VRK2: variants seen among roughly 807,000 people sequenced by gnomAD.
The protein encoded by VRK2 is serine/threonine-protein kinase VRK2.
VRK2 carries 60 observed loss-of-function variants against 57.6 expected under a neutral mutation model. That is an observed-to-expected ratio of 1.04 (90% confidence interval 0.85 to 1.29). The LOEUF (loss-of-function observed/expected upper bound fraction) is 1.29. Among genes scored for constraint, VRK2 ranks in the 50% most tolerant of loss-of-function variants. The probability of loss-of-function intolerance (pLI) is 0.00; values close to 1 mark genes in which losing one functional copy is unlikely to be tolerated. For missense variants in VRK2, 705 were observed against 588.1 expected (o/e 1.20, Z -2.06); for synonymous variants, 231 against 199.2 (o/e 1.16, Z -1.35).
chr2:58,102,449 C>A (rs1674113945), intron 7 of VRK2, among the ~76,000 whole-genome samples: 1 of 148,880 alleles, frequency 6.7e-6, no homozygotes. Flanking sequence ...GCAGGAGTAG[C>A]CATGCTTGTA....
rs185278397 is a variant in VRK2 at position 57,970,851 on chromosome 2, C to A, written c.-438-54814C>A. On this transcript the variant is annotated intron_variant, in intron 1 of 15. Coordinates refer to the VRK2 transcript ENST00000417641. The stretch of plus-strand genomic sequence containing the variant: ...ATTGCTAGATTACATTAAAACCAGT[C>A]TCAGACATTGTTACATTTTATCTTT... Among the ~76,000 whole-genome samples, 26 of 152,114 alleles carry A rather than the reference C, an allele frequency of 1.7e-4. No homozygotes were observed. In the East Asian group the frequency reaches 5.0e-3, roughly 29 times the overall value.
At chr2:57,913,842 G>A (rs2678881) in intron 1 of VRK2, among the ~76,000 whole-genome samples, 98,238 of 151,766 alleles carry the variant, frequency 0.65, 32,119 homozygotes, top group African/African-American at 0.76. Flanking sequence ...ATTTCAGTTT[G>A]AAGTACTTTT....
intron 2 of VRK2, among the ~76,000 whole-genome samples, chr2:58,072,141 A>G (rs1440640116): frequency 2.6e-5 from 4 of 152,024 alleles, no homozygotes; most frequent in African/African-American, 9.7e-5. Context: ...ACTTTGCCAT[A>G]CTGATGTATT....
At chr2:57,951,163 T>A (rs1177794202) in intron 1 of VRK2, among the ~76,000 whole-genome samples, 1 of 152,148 alleles carries the variant, frequency 6.6e-6, no homozygotes, top group Non-Finnish European at 1.5e-5. Flanking sequence ...AATATTAGCA[T>A]GAGTTTTAGA....
At chr2:57,983,022 G>C (rs1347403235) in intron 1 of VRK2, among the ~76,000 whole-genome samples, 1 of 152,128 alleles carries the variant, frequency 6.6e-6, no homozygotes, top group African/African-American at 2.4e-5. Context: ...CCTTCCCTAG[G>C]AGCTGCTCAG....
At chr2:57,982,200 T>A (rs1672442289) in intron 1 of VRK2, among the ~76,000 whole-genome samples, 1 of 152,194 alleles carries the variant, frequency 6.6e-6, no homozygotes, top group Admixed American at 6.5e-5. Flanking sequence ...CCTGGGGAGC[T>A]GGAACCAGGC....
intron 1 of VRK2, among the ~76,000 whole-genome samples, chr2:57,990,739 C>T (rs1462426673): frequency 1.3e-5 from 2 of 152,154 alleles, no homozygotes; most frequent in Non-Finnish European, 2.9e-5. Flanking sequence ...GTATATCTTA[C>T]ATTTCAATAA....
chr2:57,975,568 G>C (rs1672224726), intron 1 of VRK2, among the ~76,000 whole-genome samples: 1 of 151,820 alleles, frequency 6.6e-6, no homozygotes, highest in African/African-American at 2.4e-5. Context: ...TATGATGCTA[G>C]GTTTGGTCTT....
At chr2:58,034,678 A>G (rs1388152077) in intron 3 of VRK2, among the ~76,000 whole-genome samples, 2 of 151,766 alleles carry the variant, frequency 1.3e-5, no homozygotes, top group African/African-American at 2.4e-5. Context: ...CCATCAACTT[A>G]TCTTGGCCTT....
chr2:58,142,002 GTATT>G lies in VRK2; in HGVS notation c.1023+2173_1023+2176del, dbSNP rs1348206688. On this transcript the variant is annotated intron_variant, in intron 11 of 12. Coordinates refer to ENST00000340157, the MANE Select transcript of VRK2 (RefSeq NM_006296.7). ...TGGGTTTATAGTTATATGTAGTTAAGTATTTAGTTATAGAGCTGTTTAACAGAGT... is the reference window on the plus strand; with the variant it reads ...TGGGTTTATAGTTATATGTAGTTAAGTAGTTATAGAGCTGTTTAACAGAGT... Among the ~76,000 whole-genome samples, 4 of 152,000 alleles carry G rather than the reference GTATT, an allele frequency of 2.6e-5. No individual in the cohort carries two copies. In the East Asian group the frequency reaches 7.7e-4, roughly 29 times the overall value.
intron 1 of VRK2, among the ~76,000 whole-genome samples, chr2:58,008,774 T>C (rs1572773476): frequency 1.3e-5 from 2 of 152,156 alleles, no homozygotes; most frequent in South Asian, 2.1e-4. Context: ...GGAAAGAGGA[T>C]GTCTTAGTCA....
chr2:58,139,472 A>G (rs1326461428), intron 10 of VRK2, among the ~76,000 whole-genome samples, 194 bp from the exon 11 acceptor site: 2 of 152,096 alleles, frequency 1.3e-5, no homozygotes, highest in Non-Finnish European at 2.9e-5. Context: ...TGTCTCATCA[A>G]TTCTGTAGGT....
chr2:58,123,780 A>G (rs1677880257), intron 8 of VRK2, among the ~76,000 whole-genome samples: 1 of 151,940 alleles, frequency 6.6e-6, no homozygotes, highest in Non-Finnish European at 1.5e-5. Flanking sequence ...ACTTGAGCCA[A>G]GGAGGTTGAG....
chr2:58,121,168 A>G (rs755220674), intron 7 of VRK2, among the ~76,000 whole-genome samples: 30 of 152,234 alleles, frequency 2.0e-4, no homozygotes, highest in Non-Finnish European at 3.5e-4. Context: ...GGGGACTTAC[A>G]GCATCAGCGG....
chr2:58,030,475 A>T (rs986864611), intron 2 of VRK2, among the ~76,000 whole-genome samples: 1 of 151,926 alleles, frequency 6.6e-6, no homozygotes, highest in African/African-American at 2.4e-5. Context: ...AATGCACTCT[A>T]CCTCGTTTCC....
intron 1 of VRK2, among the ~76,000 whole-genome samples, chr2:57,909,999 T>C: frequency 6.6e-6 from 1 of 152,072 alleles, no homozygotes; most frequent in African/African-American, 2.4e-5. Context: ...ATCCACATAG[T>C]CAATTTATAA....
At chr2:58,038,493 G>A (rs1396647281) in intron 3 of VRK2, among the ~76,000 whole-genome samples, 1 of 152,108 alleles carries the variant, frequency 6.6e-6, no homozygotes, top group Non-Finnish European at 1.5e-5. Flanking sequence ...CCTTTGTAAA[G>A]GCAACACAGA....
rs753412993 is a variant in VRK2, at chr2:58,159,581, C to T, written c.1415C>T (p.Pro472Leu). 6.2e-7 allele frequency: 1 copy of T among 1,613,812 alleles called. No individual in the cohort carries two copies. Among genetic ancestry groups the T allele is most frequent in the South Asian group, 1.1e-5 (1 of 91,066 alleles). The change falls in exon 13 of 13, where the codon CCT (proline) becomes CTT (leucine). Residue 472 changes from proline to leucine, a missense_variant. Transcript: ENST00000340157. ...TDLESSTGLWPTISQFTLSEE... is the reference protein window; with the variant it reads ...TDLESSTGLWLTISQFTLSEE... ...TTAGAAAGTTCAACTGGACTTTGGCCTACAATTTCCCAGTTTACTCTTAGT... is the reference window on the plus strand; with the variant it reads ...TTAGAAAGTTCAACTGGACTTTGGCTTACAATTTCCCAGTTTACTCTTAGT...
At chr2:58,155,480 A>G (rs941980750) in intron 12 of VRK2, among the ~76,000 whole-genome samples, 1 of 149,656 alleles carries the variant, frequency 6.7e-6, no homozygotes, top group Non-Finnish European at 1.5e-5. Flanking sequence ...TCTGCCTTAC[A>G]GTTTTGGTAG....
Sources: allele counts gnomAD v4.1 joint callset (sites outside exome capture counted in the v4.1 genomes callset), GRCh38; gene constraint gnomAD v4.1.1; transcripts MANE v1.5; gene names NCBI Gene and HGNC (gene_info 2026-07-23, HGNC 2026-07-21).